Variants in LHX8 observed in about 807,000 individuals in gnomAD.
LHX8 encodes LIM/homeobox protein Lhx8.
A neutral mutation model predicts 40.3 loss-of-function variants in LHX8; 12 were observed. The observed-to-expected ratio is 0.30, with a 90% CI of 0.19 to 0.48. The LOEUF (loss-of-function observed/expected upper bound fraction) is 0.48, where lower values mean the gene tolerates loss of function less well. LHX8 is among the 20% of genes least tolerant of loss of function. The pLI is 0.99. For synonymous variants in LHX8, 179 were observed against 162.0 expected (o/e 1.10, Z -0.80); for missense variants, 344 against 433.7 (o/e 0.79, Z 1.84).
At chr1:75,171,842 T>C in the LHX8 span, among the ~76,000 whole-genome samples, 2 of 152,152 alleles carry the variant, frequency 1.3e-5, no homozygotes, top group African/African-American at 2.4e-5. Flanking sequence ...AAAGACTGAA[T>C]GGCAGAGGGA....
chr1:75,132,133 G>A (rs1011714413), upstream of LHX8, among the ~76,000 whole-genome samples: 5 of 152,174 alleles, frequency 3.3e-5, no homozygotes, highest in Non-Finnish European at 5.9e-5. Context: ...AGCCGAGGAT[G>A]AGCGTGGGTA....
the LHX8 span, among the ~76,000 whole-genome samples, chr1:75,192,472 G>T: frequency 6.6e-6 from 1 of 152,136 alleles, no homozygotes; most frequent in Non-Finnish European, 1.5e-5. Context: ...CCCTGAGTTT[G>T]CAGTCAGGTG....
Position 75,158,664 on chromosome 1 carries a change from C to T in LHX8, c.964+1588C>T, listed in dbSNP as rs149268711. Among the ~76,000 whole-genome samples, 60 of 152,074 alleles carry T rather than the reference C, an allele frequency of 3.9e-4. 1 individual carries two copies. Among genetic ancestry groups the T allele is most frequent in the Non-Finnish European group, 5.4e-4 (37 of 67,948 alleles). ...ACATATTTGCCATAAATCAAATGTC[C>T]GTATGTTGTGTCAATTTCTGTACCT... On this transcript the variant is annotated intron_variant, in intron 8 of 8. Coordinates refer to ENST00000356261, the MANE Select transcript of LHX8 (RefSeq NM_001256114.2).
chr1:75,129,407 T>G (rs1352982023), upstream of LHX8, among the ~76,000 whole-genome samples: 1 of 152,088 alleles, frequency 6.6e-6, no homozygotes, highest in Non-Finnish European at 1.5e-5. Context: ...ATTTAAGTTT[T>G]TAAAATTCAT....
the LHX8 span, among the ~76,000 whole-genome samples, chr1:75,186,911 G>A: frequency 6.6e-6 from 1 of 152,178 alleles, no homozygotes; most frequent in Non-Finnish European, 1.5e-5. Context: ...ATGCAGAGCT[G>A]TTTTAACTTA....
intron 7 of LHX8, among the ~76,000 whole-genome samples, chr1:75,155,287 T>C (rs1648727045): frequency 7.5e-6 from 1 of 134,226 alleles, no homozygotes; most frequent in African/African-American, 2.9e-5. Flanking sequence ...CAGCCTGGAG[T>C]GCAGTGGCAT....
intron 7 of LHX8, among the ~76,000 whole-genome samples, chr1:75,153,876 A>G (rs567225163): frequency 9.8e-5 from 15 of 152,296 alleles, no homozygotes; most frequent in African/African-American, 3.1e-4. Context: ...CAAATGATAA[A>G]CTATCAGTTT....
the LHX8 span, among the ~76,000 whole-genome samples, chr1:75,173,278 A>ATTTCATG: frequency 6.7e-6 from 1 of 149,070 alleles, no homozygotes; most frequent in South Asian, 2.1e-4. Flanking sequence ...TACCATCCCT[A>ATTTCATG]TTTCATGTTT....
At chr1:75,130,616 T>C, upstream of LHX8, 1 of 1,120,764 alleles carries the variant, frequency 8.9e-7, no homozygotes, top group South Asian at 1.2e-5. Flanking sequence ...CACCCCTCTC[T>C]TACCCTCAGA....
At chr1:75,180,126 T>C in the LHX8 span, among the ~76,000 whole-genome samples, 1 of 152,134 alleles carries the variant, frequency 6.6e-6, no homozygotes. Context: ...CTCAGCATTT[T>C]TTCCTTCATT....
chr1:75,193,753 T>G, the LHX8 span, among the ~76,000 whole-genome samples: 1 of 152,250 alleles, frequency 6.6e-6, no homozygotes, highest in African/African-American at 2.4e-5. Flanking sequence ...TTTCGCTTTC[T>G]GCCTTCATGC....
intron 3 of LHX8, among the ~76,000 whole-genome samples, chr1:75,140,156 T>A (rs1040688962): frequency 6.6e-6 from 1 of 152,276 alleles, no homozygotes; most frequent in East Asian, 1.9e-4. Context: ...AAAGTAAGAG[T>A]AATTATGACT....
chr1:75,156,784 C>A, intron 7 of LHX8, 109 bp from the exon 8 acceptor site: 1 of 955,996 alleles, frequency 1.0e-6, no homozygotes, highest in Non-Finnish European at 1.7e-6. Context: ...TTATGCGGTG[C>A]TTGTGTGGTA....
chr1:75,148,541 G>A, intron 6 of LHX8, 46 bp from the exon 7 acceptor site: 1 of 1,288,728 alleles, frequency 7.8e-7, no homozygotes, highest in East Asian at 2.4e-5. Flanking sequence ...AGAAGACTGA[G>A]CTGCTTGTTT....
chr1:75,169,009 A>C, the LHX8 span, among the ~76,000 whole-genome samples: 1 of 152,204 alleles, frequency 6.6e-6, no homozygotes, highest in East Asian at 1.9e-4. Flanking sequence ...TTAAAACCTA[A>C]ATTAGAACTT....
the LHX8 span, among the ~76,000 whole-genome samples, chr1:75,194,331 G>A: frequency 2.0e-5 from 3 of 152,298 alleles, no homozygotes; most frequent in East Asian, 1.9e-4. Context: ...TAGTGAGGGG[G>A]CCACTGAGGG....
intron 7 of LHX8, among the ~76,000 whole-genome samples, chr1:75,153,330 T>C (rs1648662599): frequency 1.3e-5 from 2 of 151,814 alleles, no homozygotes; most frequent in Admixed American, 6.6e-5. Context: ...TGGTCTCGAC[T>C]CCTGACCTCG....
At chr1:75,158,329 T>C (rs1648825035) in intron 8 of LHX8, among the ~76,000 whole-genome samples, 1 of 152,228 alleles carries the variant, frequency 6.6e-6, no homozygotes, top group African/African-American at 2.4e-5. Context: ...TTCTCCTACT[T>C]AGTTGCTTGG....
chr1:75,153,100 T>G (rs72679689), intron 7 of LHX8, among the ~76,000 whole-genome samples: 1,945 of 152,216 alleles, frequency 0.013, 16 homozygotes, highest in Non-Finnish European at 0.021. Flanking sequence ...TTGGCCTTTT[T>G]TTTTGTTTTG....
Sources: allele counts gnomAD v4.1 joint callset (sites outside exome capture counted in the v4.1 genomes callset), GRCh38; gene constraint gnomAD v4.1.1; transcripts MANE v1.5; gene names NCBI Gene and HGNC (gene_info 2026-07-23, HGNC 2026-07-21).